MTCL1: variants seen among roughly 807,000 people sequenced by gnomAD.
MTCL1 encodes the protein microtubule crosslinking factor 1.
A neutral mutation model predicts 141.4 loss-of-function variants in MTCL1; 79 were observed. The ratio of observed to expected loss-of-function variants is 0.56; its 90% CI spans 0.47 to 0.67. The LOEUF (loss-of-function observed/expected upper bound fraction) is 0.67, where lower values mean the gene tolerates loss of function less well. MTCL1 is among the 30% of genes least tolerant of loss of function. The pLI is 0.00. For missense variants in MTCL1, 2,177 were observed against 2,113.9 expected, an observed-to-expected ratio of 1.03 and a Z score of -0.59; for synonymous variants, 914 against 875.8, an observed-to-expected ratio of 1.04 and a Z score of -0.77.
At chr18:8,778,690 C>T (rs1478483675) in intron 5 of MTCL1, among the ~76,000 whole-genome samples, 2 of 152,220 alleles carry the variant, frequency 1.3e-5, no homozygotes, top group African/African-American at 2.4e-5. Flanking sequence ...GCAGAAAGCT[C>T]AACTGTTCCC....
exon 17 of MTCL1, chr18:8,832,743 G>A (rs370694147): frequency 3.3e-5 from 5 of 152,176 alleles, no homozygotes; most frequent in African/African-American, 7.2e-5. Flanking sequence ...GTATGAGACC[G>A]TGATGAAGTA....
At chr18:8,829,707 A>G (rs746789873) in intron 16 of MTCL1, 1 of 985,320 alleles carries the variant, frequency 1.0e-6, no homozygotes, top group Non-Finnish European at 1.2e-6. Context: ...CAACAGATGT[A>G]TCCCCATGAA....
chr18:8,727,295 T>C (rs2846403), intron 4 of MTCL1, among the ~76,000 whole-genome samples: 12,801 of 152,220 alleles, frequency 0.084, 1,525 homozygotes, highest in African/African-American at 0.26. Flanking sequence ...TATAATTTCT[T>C]TTGGGTAGAT....
chr18:8,786,308 G>C, intron 7 of MTCL1: 1 of 705,364 alleles, frequency 1.4e-6, no homozygotes, highest in Non-Finnish European at 2.6e-6. Context: ...TCGTCAGACA[G>C]AGGGACAGCT....
chr18:8,775,301 TG>T (rs988598162), intron 4 of MTCL1, among the ~76,000 whole-genome samples: 10 of 151,448 alleles, frequency 6.6e-5, no homozygotes, highest in African/African-American at 2.4e-4. Context: ...CCGGGCACGG[TG>T]GCTCAATCCT....
intron 4 of MTCL1, among the ~76,000 whole-genome samples, chr18:8,767,415 C>T (rs1420484318): frequency 1.3e-5 from 2 of 152,128 alleles, no homozygotes; most frequent in African/African-American, 4.8e-5. Context: ...TATTAGGCCT[C>T]CCTAGTGGAA....
intron 4 of MTCL1, among the ~76,000 whole-genome samples, chr18:8,723,560 G>T (rs886306215): frequency 6.6e-6 from 1 of 152,162 alleles, no homozygotes; most frequent in Non-Finnish European, 1.5e-5. Context: ...TCTCTCTGGA[G>T]CCACCACTCC....
chr18:8,790,073 C>T (rs1010923407), intron 7 of MTCL1, among the ~76,000 whole-genome samples: 30 of 152,226 alleles, frequency 2.0e-4, no homozygotes, highest in Admixed American at 1.8e-3. Flanking sequence ...AGGCAGCAGT[C>T]TCCAGAGACA....
intron 7 of MTCL1, 186 bp downstream of exon 6, chr18:8,786,277 G>C (rs1416990398): frequency 1.3e-6 from 1 of 747,354 alleles, no homozygotes; most frequent in Non-Finnish European, 2.3e-6. Flanking sequence ...GTGCGCAGGT[G>C]CCTGCGGTGA....
At chr18:8,781,632 A>G (rs2096532995) in intron 5 of MTCL1, among the ~76,000 whole-genome samples, 1 of 152,240 alleles carries the variant, frequency 6.6e-6, no homozygotes, top group Non-Finnish European at 1.5e-5. Flanking sequence ...CAGTTTATAT[A>G]TAATAAATAC....
intron 1 of MTCL1, chr18:8,717,757 G>A: frequency 3.1e-6 from 1 of 326,418 alleles, no homozygotes; most frequent in Non-Finnish European, 4.4e-6. Context: ...AGCCAGGAAT[G>A]AAATGACTCC....
At chr18:8,724,822 AT>A (rs991455265) in intron 4 of MTCL1, among the ~76,000 whole-genome samples, 8 of 151,906 alleles carry the variant, frequency 5.3e-5, no homozygotes, top group African/African-American at 1.9e-4. Flanking sequence ...TTCTCTATTG[AT>A]TAAAAAAAGG....
At chr18:8,829,602 A>T (rs577699919) in intron 16 of MTCL1, 14 of 985,406 alleles carry the variant, frequency 1.4e-5, no homozygotes, top group Non-Finnish European at 1.6e-5. Flanking sequence ...GTCAAAGCAC[A>T]TGAGAAAAGA....
intron 4 of MTCL1, among the ~76,000 whole-genome samples, chr18:8,740,631 C>T (rs796827603): frequency 9.9e-5 from 15 of 152,146 alleles, no homozygotes; most frequent in African/African-American, 2.4e-4. Flanking sequence ...TACAGGTACC[C>T]GCCATCACAC....
rs143446062 is a variant in MTCL1 at position 8,783,740 on chromosome 18, C to T, written c.628C>T (p.Arg210Trp). The change falls in exon 6 of 17, where the codon CGG becomes TGG. Residue 210 changes from arginine (R) to tryptophan (W), a missense_variant. Transcript: ENST00000359865. The stretch of plus-strand genomic sequence containing the variant: ...CACCCGGGAGGCCGAGCTGAAGCTG[C>T]GGCTAAAGCTGGTGGAGGAGGAAGC... 226 of 1,609,988 alleles carry T rather than the reference C, an allele frequency of 1.4e-4. No homozygotes were observed. Among genetic ancestry groups the T allele is most frequent in the Non-Finnish European group, 1.8e-4 (214 of 1,178,290 alleles).
chr18:8,712,903 G>A (rs186419153), upstream of MTCL1, among the ~76,000 whole-genome samples: 15 of 152,256 alleles, frequency 9.9e-5, 1 homozygote, highest in African/African-American at 3.4e-4. Flanking sequence ...TTAAAGAGGA[G>A]GTGCTAAAAT....
At chr18:8,821,524 G>T in intron 14 of MTCL1, 26 bp downstream of exon 13, 1 of 1,230,634 alleles carries the variant, frequency 8.1e-7, no homozygotes, top group Non-Finnish European at 1.2e-6. Flanking sequence ...GAAAATAATA[G>T]ATTACTAGAA....
chr18:8,809,516 G>A (rs1042845774), intron 11 of MTCL1: 94 of 1,536,108 alleles, frequency 6.1e-5, no homozygotes, highest in Non-Finnish European at 4.7e-5. Flanking sequence ...TGCCAGCTGG[G>A]TCCACGGTAA....
exon 17 of MTCL1, chr18:8,831,849 A>G (rs1282784516): frequency 1.3e-6 from 2 of 1,543,062 alleles, no homozygotes; most frequent in African/African-American, 1.4e-5. Context: ...AATTTGCATA[A>G]CCACACCATC....
Sources: gnomAD v4.1 joint callset for allele counts (sites outside exome capture counted in the v4.1 genomes callset) on GRCh38, gnomAD v4.1.1 for gene constraint, MANE v1.5 for transcripts, NCBI Gene and HGNC (gene_info 2026-07-23, HGNC 2026-07-21) for gene names.